ZNF655: variants seen among roughly 807,000 people sequenced by gnomAD.
ZNF655 encodes the protein Vav-interacting Kruppel-like protein 1.
ZNF655 carries 3 observed loss-of-function variants against 6.6 expected under a neutral mutation model. The observed-to-expected ratio is 0.46, with a 90% CI of 0.21 to 1.18. The LOEUF (loss-of-function observed/expected upper bound fraction) is 1.18, where lower values mean the gene tolerates loss of function less well. ZNF655 is among the 50% of genes most tolerant of loss of function. The pLI, the probability that ZNF655 is intolerant of heterozygous loss-of-function variation, is 0.24. For synonymous variants in ZNF655, 178 were observed against 195.0 expected, an observed-to-expected ratio of 0.91 and a Z score of 0.73; for missense variants, 526 against 572.3, an observed-to-expected ratio of 0.92 and a Z score of 0.83.
intron 1 of ZNF655, among the ~76,000 whole-genome samples, chr7:99,559,863 A>G (rs1404649497): frequency 6.7e-6 from 1 of 149,908 alleles, no homozygotes; most frequent in Non-Finnish European, 1.5e-5. Flanking sequence ...CCTGAGCTTA[A>G]GGGATCCACC....
rs144227092 is a variant in ZNF655, at chr7:99,560,508, A to C, written c.-27-25A>C. 102 of 1,585,500 alleles carry C rather than the reference A, an allele frequency of 6.4e-5. No individual in the cohort carries two copies. In the African/African-American group the frequency reaches 1.2e-3, roughly 18 times the overall value. ...ATGAAATGCTTTAACTTATTACAGT[A>C]ATTTCTCTTAATCTTACCTTGCAGT... On this transcript the variant is annotated intron_variant, in intron 1 of 2. Coordinates refer to ENST00000252713, the MANE Select transcript of ZNF655 (RefSeq NM_138494.3).
rs1804231708 is a variant in ZNF655 at position 99,573,460 on chromosome 7, T to G, written c.1352T>G (p.Leu451Arg). The G allele has an allele frequency of 6.2e-7, 1 of 1,613,820 alleles. No individual in the cohort carries two copies. Among genetic ancestry groups the G allele is most frequent in the African/African-American group, 1.3e-5 (1 of 74,920 alleles). The change falls in exon 3 of 3, where the codon CTT becomes CGT. Residue 451 changes from leucine to arginine, a missense_variant. Physicochemically the swap from Leu to Arg is moderately radical, Grantham distance 102. Transcript: ENST00000252713. Reference protein sequence around the residue: ...YEGSFSHSSDLILQQEVLTRQ... With the variant: ...YEGSFSHSSDRILQQEVLTRQ... ...GGCAGTTTCAGTCATAGCTCAGATC[T>G]TATCCTGCAACAAGAAGTCCTCACC...
In ZNF655 at chr7:99,572,931, A is replaced by G; in HGVS notation, c.823A>G (p.Lys275Glu). Residue 275 changes from lysine to glutamate, a missense_variant, in exon 3 of 3, where the codon AAA becomes GAA. Coordinates refer to ENST00000252713, the MANE Select transcript of ZNF655 (RefSeq NM_138494.3). The part of the protein sequence containing the change: ...EKPYKCEASD[K>E]SCEASDKSCS... ...ACCTTACAAATGTGAAGCATCTGAT[A>G]AATCCTGTGAAGCGTCTGATAAATC... The G allele has an allele frequency of 6.2e-7, 1 of 1,614,142 alleles. No individual in the cohort carries two copies. The highest frequency in any genetic ancestry group is 8.5e-7 in the Non-Finnish European group (1 of 1,179,992).
At chr7:99,559,571 T>C (rs1356575337) in intron 1 of ZNF655, among the ~76,000 whole-genome samples, 1 of 152,130 alleles carries the variant, frequency 6.6e-6, no homozygotes, top group Non-Finnish European at 1.5e-5. Context: ...CAATCATAAC[T>C]AGCATTTTTC....
intron 2 of ZNF655, chr7:99,570,273 A>G (rs904940402): frequency 8.5e-5 from 13 of 152,312 alleles, no homozygotes; most frequent in African/African-American, 2.6e-4. Flanking sequence ...TTCATGTTAC[A>G]CTAACTTTAC....
chr7:99,566,382 A>G (rs1002187295), intron 2 of ZNF655, among the ~76,000 whole-genome samples: 5 of 152,226 alleles, frequency 3.3e-5, no homozygotes, highest in African/African-American at 1.2e-4. Context: ...AAGGACATGC[A>G]TTCAAAAAGT....
chr7:99,566,456 G>A (rs1230383454), intron 2 of ZNF655, among the ~76,000 whole-genome samples: 1 of 152,222 alleles, frequency 6.6e-6, no homozygotes, highest in African/African-American at 2.4e-5. Context: ...TTGCTAAGGA[G>A]AGATATTATT....
intron 2 of ZNF655, chr7:99,564,636 A>G (rs921519496): frequency 7.1e-6 from 7 of 984,932 alleles, no homozygotes; most frequent in East Asian, 1.1e-4. Flanking sequence ...TGTAAACTGT[A>G]AAGTGACATA....
chr7:99,563,923 G>A, intron 2 of ZNF655: 1 of 1,613,694 alleles, frequency 6.2e-7, no homozygotes, highest in Non-Finnish European at 8.5e-7. Context: ...CCGGCCCTGA[G>A]TCATACCCAG....
At chr7:99,563,901 G>C (rs545571970) in intron 2 of ZNF655, 1 of 1,613,152 alleles carries the variant, frequency 6.2e-7, no homozygotes, top group East Asian at 2.2e-5. Context: ...GATTCATAGT[G>C]TGAATTCCTG....
In ZNF655 at chr7:99,573,004, G is replaced by C; in HGVS notation, c.896G>C (p.Arg299Thr). The change falls in exon 3 of 3, where the codon AGA becomes ACA. Residue 299 changes from arginine (R) to threonine (T), a missense_variant. Physicochemically the swap from Arg to Thr is moderately conservative, Grantham distance 71 (BLOSUM62 -1). Transcript: ENST00000252713. ...GIIQHKKIHT[R>T]AKSYKCSSCE... ...ATTCAGCATAAGAAAATTCACACCA[G>C]AGCCAAATCTTACAAATGTAGCAGT... 6.2e-7 allele frequency: 1 copy of C among 1,614,136 alleles called. No homozygotes were observed. The highest frequency in any genetic ancestry group is 8.5e-7 in the Non-Finnish European group (1 of 1,180,002).
rs1222581735 is a variant in ZNF655 at position 99,573,371 on chromosome 7, A to T, written c.1263A>T (p.Ser421=). 1 of 1,614,158 alleles carries T rather than the reference A, an allele frequency of 6.2e-7. No homozygotes were observed. Among genetic ancestry groups the T allele is most frequent in the East Asian group, 2.2e-5 (1 of 44,870 alleles). ...NECGKAFSQT[S]CLIQHHKMHR... ...GTGGAAAAGCTTTCAGTCAAACCTCATGCCTTATTCAGCATCACAAAATGC... is the reference window on the plus strand; with the variant it reads ...GTGGAAAAGCTTTCAGTCAAACCTCTTGCCTTATTCAGCATCACAAAATGC... Residue 421 remains serine, a synonymous_variant, in exon 3 of 3, where the codon TCA becomes TCT. Coordinates refer to ENST00000252713, the MANE Select transcript of ZNF655 (RefSeq NM_138494.3).
chr7:99,569,006 G>A (rs1803840564), intron 2 of ZNF655, among the ~76,000 whole-genome samples: 1 of 151,860 alleles, frequency 6.6e-6, no homozygotes, highest in Non-Finnish European at 1.5e-5. Context: ...GCTGGTCTCA[G>A]ACTCTTGGGC....
At chr7:99,565,018 G>A (rs1172161076) in intron 2 of ZNF655, among the ~76,000 whole-genome samples, 1 of 152,134 alleles carries the variant, frequency 6.6e-6, no homozygotes, top group African/African-American at 2.4e-5. Context: ...TTTATGCCTA[G>A]TGTTCCATTA....
chr7:99,572,982 C>G lies in ZNF655; in HGVS notation c.874C>G (p.Gln292Glu). 1 of 1,614,138 alleles carries G rather than the reference C, an allele frequency of 6.2e-7. No homozygotes were observed. Among genetic ancestry groups the G allele is most frequent in the Non-Finnish European group, 8.5e-7 (1 of 1,179,998 alleles). Residue 292 changes from glutamine to glutamate, a missense_variant, in exon 3 of 3, where the codon CAG becomes GAG. Physicochemically the swap from Gln to Glu is conservative, Grantham distance 29. Coordinates refer to ENST00000252713, the MANE Select transcript of ZNF655 (RefSeq NM_138494.3). The stretch of plus-strand genomic sequence containing the variant: ...CTGTAGTCCAAGCTCAGGCATAATT[C>G]AGCATAAGAAAATTCACACCAGAGC... Reference protein sequence around the residue: ...KSCSPSSGIIQHKKIHTRAKS... With the variant: ...KSCSPSSGIIEHKKIHTRAKS...
chr7:99,562,212 G>A (rs1803241891), intron 2 of ZNF655: 2 of 953,588 alleles, frequency 2.1e-6, no homozygotes, highest in East Asian at 5.4e-5. Flanking sequence ...CTTATTAGAT[G>A]TTTAAGGGTT....
At position 99,575,557 on chromosome 7, in the gene ZNF655, AAAC is replaced by A. The variant is rs1272989616; in HGVS notation, c.*1976_*1978del. 6.8e-6 allele frequency: 1 copy of A among 146,182 alleles called. No individual in the cohort carries two copies. Among genetic ancestry groups the A allele is most frequent in the African/African-American group, 2.7e-5 (1 of 37,366 alleles). 9.1% of individuals were successfully genotyped at this position (146,182 alleles called of 1,614,324 possible). On this transcript the variant is annotated 3_prime_UTR_variant, in exon 3 of 3. Coordinates refer to ENST00000252713, the MANE Select transcript of ZNF655 (RefSeq NM_138494.3). ...CTCTCAAAAAAACACAAAAAAACAAAAACAAAAAACCATACACACACACACACA... is the reference window on the plus strand; with the variant it reads ...CTCTCAAAAAAACACAAAAAAACAAAAAAAAACCATACACACACACACACA...
At chr7:99,560,088 C>CTTTTTTTTTT (rs201559591) in intron 1 of ZNF655, among the ~76,000 whole-genome samples, 1 of 136,882 alleles carries the variant, frequency 7.3e-6, no homozygotes. Flanking sequence ...TCTTTTTTTT[C>CTTTTTTTTTT]TTTTTTTTTT....
Position 99,572,823 on chromosome 7 carries a change from C to T in ZNF655, c.715C>T (p.Pro239Ser). ...RHQRIHTREK[P>S]YKCKECEKSF... The stretch of plus-strand genomic sequence containing the variant: ...TCAGAGAATCCATACTAGAGAGAAG[C>T]CCTACAAATGTAAAGAATGTGAAAA... The change falls in exon 3 of 3, where the codon CCC (proline) becomes TCC (serine). Residue 239 changes from proline to serine, a missense_variant. By Grantham distance (74) the Pro-to-Ser change is moderately conservative (BLOSUM62 -1). Coordinates refer to ENST00000252713, the MANE Select transcript of ZNF655 (RefSeq NM_138494.3). 1 of 1,613,946 alleles carries T rather than the reference C, an allele frequency of 6.2e-7. No individual in the cohort carries two copies. Among genetic ancestry groups the T allele is most frequent in the Non-Finnish European group, 8.5e-7 (1 of 1,179,962 alleles).
Sources: allele counts gnomAD v4.1 joint callset (sites outside exome capture counted in the v4.1 genomes callset), GRCh38; gene constraint gnomAD v4.1.1; transcripts MANE v1.5; gene names NCBI Gene and HGNC (gene_info 2026-07-23, HGNC 2026-07-21).